UNC13C: variants seen among roughly 807,000 people sequenced by gnomAD.
The protein encoded by UNC13C is unc-13 homolog C, also known as protein unc-13 homolog C.
Under a neutral mutation model 245.4 loss-of-function variants are expected in UNC13C, and 174 were observed. That is an observed-to-expected ratio of 0.71 (90% confidence interval 0.63 to 0.80). The LOEUF is 0.80. Among genes scored for constraint, UNC13C ranks in the 30% least tolerant of loss-of-function variants. The pLI, the probability that UNC13C is intolerant of heterozygous loss-of-function variation, is 0.00. For synonymous variants in UNC13C, 992 were observed against 895.1 expected, an observed-to-expected ratio of 1.11 and a Z score of -1.93; for missense variants, 2,829 against 2,602.9, an observed-to-expected ratio of 1.09 and a Z score of -1.89.
At chr15:54,218,836 C>A (rs771475115) in intron 4 of UNC13C, among the ~76,000 whole-genome samples, 38 of 151,912 alleles carry the variant, frequency 2.5e-4, no homozygotes, top group Non-Finnish European at 4.7e-4. Flanking sequence ...CCTATTGTAA[C>A]AATTCTACAA....
intron 20 of UNC13C, among the ~76,000 whole-genome samples, chr15:54,499,508 T>C (rs550455302): frequency 6.6e-6 from 1 of 152,230 alleles, no homozygotes; most frequent in East Asian, 1.9e-4. Flanking sequence ...GCATCAAAGA[T>C]GCAAATTCAA....
chr15:54,073,501 G>A (rs1008168685), intron 2 of UNC13C, among the ~76,000 whole-genome samples: 1 of 152,188 alleles, frequency 6.6e-6, no homozygotes, highest in African/African-American at 2.4e-5. Context: ...CCCATCAACA[G>A]TGTAAAAGTG....
At chr15:53,868,315 C>T in the UNC13C span, among the ~76,000 whole-genome samples, 126 of 152,260 alleles carry the variant, frequency 8.3e-4, no homozygotes, top group Middle Eastern at 3.4e-3. Context: ...TGGACTGATC[C>T]GCACAAAACC....
intron 2 of UNC13C, among the ~76,000 whole-genome samples, chr15:54,112,603 C>T (rs559824599): frequency 4.6e-5 from 7 of 152,164 alleles, no homozygotes; most frequent in Non-Finnish European, 7.3e-5. Flanking sequence ...ACTATTGTCA[C>T]ATCTGCCGAC....
At chr15:54,506,315 C>T (rs980428022) in intron 22 of UNC13C, among the ~76,000 whole-genome samples, 4 of 152,104 alleles carry the variant, frequency 2.6e-5, no homozygotes, top group African/African-American at 4.8e-5. Flanking sequence ...AGTATTCATA[C>T]GTACAAACGA....
At chr15:53,909,052 A>G in the UNC13C span, among the ~76,000 whole-genome samples, 1 of 146,648 alleles carries the variant, frequency 6.8e-6, no homozygotes, top group Non-Finnish European at 1.5e-5. Flanking sequence ...ACTTATATGC[A>G]TAATAAAAAT....
Position 54,628,412 on chromosome 15 carries a change from T to TAAG in UNC13C, c.*1300_*1302dup, listed in dbSNP as rs1555404721. On this transcript the variant is annotated 3_prime_UTR_variant, in exon 33 of 33. Coordinates refer to ENST00000260323, the MANE Select transcript of UNC13C (RefSeq NM_001080534.3). The stretch of plus-strand genomic sequence containing the variant: ...TTGTGAACAAGCTGATCTAATACGT[T>TAAG]AAGTACAGAAGTGCTTAGTATCATG... The TAAG allele has an allele frequency of 3.0e-4, 46 of 151,912 alleles. 1 individual carries two copies. Among genetic ancestry groups the TAAG allele is most frequent in the African/African-American group, 1.1e-3 (46 of 41,494 alleles). 9.4% of individuals were successfully genotyped at this position (151,912 alleles called of 1,614,324 possible).
rs1489333618 is a variant in UNC13C at position 54,419,344 on chromosome 15, T to C, written c.4933+4277T>C. Reference sequence around the variant, plus strand: ...CTAAACTAACTTCTCAGGCTATGAATGTGGTCCCACTTGTAGTATAGGCAA... The same window carrying C: ...CTAAACTAACTTCTCAGGCTATGAACGTGGTCCCACTTGTAGTATAGGCAA... On this transcript the variant is annotated intron_variant, in intron 19 of 32. Coordinates refer to ENST00000260323, the MANE Select transcript of UNC13C (RefSeq NM_001080534.3). Among the ~76,000 whole-genome samples the C allele has an allele frequency of 2.0e-5, 3 of 152,172 alleles. No individual in the cohort carries two copies. The East Asian group carries it at 5.8e-4, about 29-fold the overall frequency.
intron 2 of UNC13C, among the ~76,000 whole-genome samples, chr15:54,117,584 G>GTTTT (rs2030355068): frequency 2.4e-5 from 1 of 41,220 alleles, no homozygotes; most frequent in African/African-American, 9.1e-5. Flanking sequence ...TCTATCTCTA[G>GTTTT]CTCTCTCTCT....
chr15:54,407,535 T>G (rs995320975), intron 18 of UNC13C, among the ~76,000 whole-genome samples: 2 of 152,202 alleles, frequency 1.3e-5, no homozygotes, highest in African/African-American at 4.8e-5. Context: ...CGGAAGAACT[T>G]GTGTAACTGT....
At chr15:54,157,526 G>A (rs2032800826) in intron 4 of UNC13C, among the ~76,000 whole-genome samples, 1 of 152,156 alleles carries the variant, frequency 6.6e-6, no homozygotes, top group South Asian at 2.1e-4. Flanking sequence ...GAACTGGGGA[G>A]TTTCTTAGGT....
At chr15:54,286,901 C>T (rs899568708) in intron 10 of UNC13C, among the ~76,000 whole-genome samples, 3 of 152,184 alleles carry the variant, frequency 2.0e-5, no homozygotes, top group Middle Eastern at 3.4e-3. Flanking sequence ...GGAAACAAAA[C>T]CAGCTCTCTC....
chr15:54,322,044 A>G lies in UNC13C; in HGVS notation c.4374A>G (p.Ser1458=). The change falls in exon 14 of 33, where the codon TCA becomes TCG. Residue 1458 remains serine (S), a synonymous_variant. Transcript: ENST00000260323. ...INAFYAHTTV[S]TNIQVSASDR... Reference sequence around the variant, plus strand: ...CTTTTTATGCTCACACAACAGTTTCAACAAACATACAGGTTTCTGCCTCAG... The same window carrying G: ...CTTTTTATGCTCACACAACAGTTTCGACAAACATACAGGTTTCTGCCTCAG... 1 of 1,591,356 alleles carries G rather than the reference A, an allele frequency of 6.3e-7. No individual in the cohort carries two copies. The highest frequency in any genetic ancestry group is 8.6e-7 in the Non-Finnish European group (1 of 1,167,652).
chr15:54,411,510 G>A (rs943665918), intron 18 of UNC13C, among the ~76,000 whole-genome samples: 2 of 152,086 alleles, frequency 1.3e-5, no homozygotes, highest in Non-Finnish European at 2.9e-5. Context: ...TGAGTTAAAT[G>A]TTTAATTTGT....
At chr15:53,938,409 C>G in the UNC13C span, among the ~76,000 whole-genome samples, 1 of 151,938 alleles carries the variant, frequency 6.6e-6, no homozygotes, top group African/African-American at 2.4e-5. Flanking sequence ...GACTTAGACT[C>G]CCACATAATA....
At chr15:54,241,953 G>A (rs573249116) in intron 7 of UNC13C, among the ~76,000 whole-genome samples, 3 of 152,260 alleles carry the variant, frequency 2.0e-5, no homozygotes, top group African/African-American at 4.8e-5. Flanking sequence ...TCATAAGCAC[G>A]GACTTTGACT....
chr15:54,192,130 A>T (rs539025315), intron 4 of UNC13C, among the ~76,000 whole-genome samples: 9 of 152,290 alleles, frequency 5.9e-5, no homozygotes, highest in South Asian at 4.1e-4. Context: ...TATGTCCTGA[A>T]TGATACTGTA....
At chr15:53,940,485 A>C in the UNC13C span, among the ~76,000 whole-genome samples, 1 of 152,156 alleles carries the variant, frequency 6.6e-6, no homozygotes, top group Non-Finnish European at 1.5e-5. Flanking sequence ...GGCAAGAGAA[A>C]GAAAGAAAGG....
At chr15:54,059,583 A>G (rs898822929) in intron 2 of UNC13C, among the ~76,000 whole-genome samples, 16 of 152,304 alleles carry the variant, frequency 1.1e-4, no homozygotes, top group East Asian at 1.9e-4. Flanking sequence ...CAAGCTACCA[A>G]TGACTTTCTT....
Sources: gnomAD v4.1 joint callset for allele counts (sites outside exome capture counted in the v4.1 genomes callset) on GRCh38, gnomAD v4.1.1 for gene constraint, MANE v1.5 for transcripts, NCBI Gene and HGNC (gene_info 2026-07-23, HGNC 2026-07-21) for gene names.